The following KRT80 variants were observed in gnomAD, a reference collection of about 807,000 sequenced individuals.
KRT80 encodes the protein keratin, type II cytoskeletal 80.
Under a neutral mutation model 51.5 loss-of-function variants are expected in KRT80, and 36 were observed. The ratio of observed to expected loss-of-function variants is 0.70; its 90% CI spans 0.54 to 0.92. The LOEUF (loss-of-function observed/expected upper bound fraction) is 0.92, where lower values mean the gene tolerates loss of function less well. KRT80 is among the 40% of genes least tolerant of loss of function. The pLI is 0.00. For synonymous variants in KRT80, 235 were observed against 248.3 expected (o/e 0.95, Z 0.50); for missense variants, 566 against 591.7 (o/e 0.96, Z 0.45).
At chr12:52,176,621 A>T (rs1277545441) in intron 4 of KRT80, among the ~76,000 whole-genome samples, 2 of 152,036 alleles carry the variant, frequency 1.3e-5, no homozygotes, top group Non-Finnish European at 2.9e-5. Context: ...AGCTGGGATT[A>T]CAGGCATGCG....
At chr12:52,190,305 T>C (rs1265513817) in intron 1 of KRT80, among the ~76,000 whole-genome samples, 1 of 152,202 alleles carries the variant, frequency 6.6e-6, no homozygotes, top group African/African-American at 2.4e-5. Context: ...GGTTGTGTGA[T>C]CTTGGGCAAG....
chr12:52,184,013 G>C (rs1407924347), intron 2 of KRT80, among the ~76,000 whole-genome samples: 1 of 105,480 alleles, frequency 9.5e-6, no homozygotes, highest in African/African-American at 3.5e-5. Context: ...CTCTCCGGAG[G>C]GGCGGTCAGA....
At chr12:52,180,254 A>G (rs944228101) in intron 4 of KRT80, among the ~76,000 whole-genome samples, 7 of 152,184 alleles carry the variant, frequency 4.6e-5, no homozygotes, top group Non-Finnish European at 1.0e-4. Context: ...GTACTCTAGC[A>G]CACAAAGGTA....
chr12:52,172,071 G>T lies in KRT80; in HGVS notation c.1178+127C>A, dbSNP rs555797726. The T allele has an allele frequency of 3.9e-6, 4 of 1,016,662 alleles. No individual in the cohort carries two copies. In the African/African-American group the frequency reaches 4.8e-5, roughly 12 times the overall value. The allele number at this position is 1,016,662 out of a possible 1,614,324, so 63.0% of individuals were successfully genotyped here. ...AAGGTCCCAGTTTGTAAGTGACTAA[G>T]CCAAGACTTAAACCCAGGCCTGGTA... On this transcript the variant is annotated intron_variant, in intron 7 of 8. Transcript: ENST00000394815.
In KRT80 at chr12:52,191,966, G is replaced by A; in HGVS notation, c.-64C>T. 7.2e-7 allele frequency: 1 copy of A among 1,381,444 alleles called. No homozygotes were observed. The highest frequency in any genetic ancestry group is 1.5e-5 in the African/African-American group (1 of 68,620). The allele number at this position is 1,381,444 out of a possible 1,614,324, so 85.6% of individuals were successfully genotyped here. On this transcript the variant is annotated 5_prime_UTR_variant, in exon 1 of 9. Transcript: ENST00000394815. ...AGCGAGTGAGCCTGGGGTTGCGTCG[G>A]GTGGCAGGCTCTGGTTGCTCTGGTC...
At chr12:52,176,941 T>C (rs1392693351) in intron 4 of KRT80, among the ~76,000 whole-genome samples, 3 of 152,252 alleles carry the variant, frequency 2.0e-5, no homozygotes, top group South Asian at 2.1e-4. Context: ...TTTTAGGATA[T>C]GTTAAGAAAA....
At chr12:52,181,750 C>A (rs1297536860) in intron 2 of KRT80, among the ~76,000 whole-genome samples, 1 of 152,126 alleles carries the variant, frequency 6.6e-6, no homozygotes, top group Non-Finnish European at 1.5e-5. Context: ...AGGACAGGAC[C>A]CCCAGATCCC....
At position 52,191,949 on chromosome 12, in the gene KRT80, A is replaced by G; in HGVS notation, c.-47T>C. 7.0e-7 allele frequency: 1 copy of G among 1,424,432 alleles called. No homozygotes were observed. Among genetic ancestry groups the G allele is most frequent in the Non-Finnish European group, 9.2e-7 (1 of 1,087,562 alleles). The allele number at this position is 1,424,432 out of a possible 1,614,324, so 88.2% of individuals were successfully genotyped here. Reference sequence around the variant, plus strand: ...GAGGGCCCAGGGGGGTGAGCGAGTGAGCCTGGGGTTGCGTCGGGTGGCAGG... The same window carrying G: ...GAGGGCCCAGGGGGGTGAGCGAGTGGGCCTGGGGTTGCGTCGGGTGGCAGG... On this transcript the variant is annotated 5_prime_UTR_variant, in exon 1 of 9. Transcript: ENST00000394815.
chr12:52,185,434 G>A lies in KRT80; in HGVS notation c.454C>T (p.Gln152Ter), dbSNP rs1189892425. Residue 152 changes from glutamine to a stop codon, truncating the protein, a stop_gained, in exon 2 of 9, where the codon CAG (glutamine) becomes TAG (stop). Coordinates refer to ENST00000394815, the MANE Select transcript of KRT80 (RefSeq NM_182507.3). LOFTEE classifies it high-confidence loss of function. ...ACCTGCAGCAGGTTGGCCTCCAGCT[G>A]CCCCCGCTCCTGGCTCACTTTGCGC... ...ELRKVSQERG[Q>*]LEANLLQVLE... 1 of 1,613,866 alleles carries A rather than the reference G, an allele frequency of 6.2e-7. No individual in the cohort carries two copies. Among genetic ancestry groups the A allele is most frequent in the Non-Finnish European group, 8.5e-7 (1 of 1,180,024 alleles).
chr12:52,189,235 C>T (rs181479925), intron 1 of KRT80, among the ~76,000 whole-genome samples: 1 of 152,204 alleles, frequency 6.6e-6, no homozygotes, highest in African/African-American at 2.4e-5. Flanking sequence ...GCTCAACAGC[C>T]CTGCGCCGTA....
intron 2 of KRT80, among the ~76,000 whole-genome samples, chr12:52,181,639 C>T (rs1472524350): frequency 1.3e-5 from 2 of 152,326 alleles, no homozygotes; most frequent in South Asian, 2.1e-4. Flanking sequence ...AGCTACAGGC[C>T]GCATAGGCCA....
intron 5 of KRT80, 122 bp from the exon 6 acceptor site, chr12:52,173,285 C>T (rs1010684919): frequency 3.7e-5 from 48 of 1,295,748 alleles, no homozygotes; most frequent in African/African-American, 4.5e-5. Flanking sequence ...CACCACGCCA[C>T]GCCAGGCTCC....
intron 4 of KRT80, among the ~76,000 whole-genome samples, chr12:52,174,673 G>T (rs1392455608): frequency 2.0e-5 from 3 of 152,270 alleles, no homozygotes; most frequent in Non-Finnish European, 4.4e-5. Context: ...AGACAGCGGT[G>T]AGTGGCAGGG....
intron 4 of KRT80, 117 bp from the exon 5 acceptor site, chr12:52,173,881 C>T: frequency 9.7e-7 from 1 of 1,032,714 alleles, no homozygotes; most frequent in Non-Finnish European, 1.4e-6. Context: ...CCCTTCCTGT[C>T]CCTCTGGAGA....
At chr12:52,172,523 G>A in intron 6 of KRT80, 105 bp from the exon 7 acceptor site, 4 of 1,019,144 alleles carry the variant, frequency 3.9e-6, no homozygotes, top group Non-Finnish European at 4.3e-6. Flanking sequence ...TGTGGGGAGG[G>A]AGGGCTGAGC....
At chr12:52,176,888 T>G (rs1241839036) in intron 4 of KRT80, among the ~76,000 whole-genome samples, 1 of 152,228 alleles carries the variant, frequency 6.6e-6, no homozygotes, top group East Asian at 1.9e-4. Context: ...AAACAGATAA[T>G]GTTTGTTGAA....
At chr12:52,190,612 T>G (rs1042559284) in intron 1 of KRT80, among the ~76,000 whole-genome samples, 2 of 152,180 alleles carry the variant, frequency 1.3e-5, no homozygotes, top group Non-Finnish European at 2.9e-5. Context: ...GGTTCAGAAA[T>G]GTACAGTTTT....
chr12:52,171,505 G>A lies in KRT80; in HGVS notation c.1252C>T (p.Leu418Phe). The part of the protein sequence containing the change: ...RCKTAASRSG[L>F]SKAPSRKKKG... ...TTCTTTCGGGAGGGGGCCTTGGAGA[G>A]GCCTGATCTGGAGGCAGCTACAGGG... The change falls in exon 9 of 9, where the codon CTC becomes TTC. Residue 418 changes from leucine to phenylalanine, a missense_variant. Leu to Phe is a conservative substitution (Grantham distance 22). Transcript: ENST00000394815. The A allele has an allele frequency of 6.2e-7, 1 of 1,613,526 alleles. No homozygotes were observed. Among genetic ancestry groups the A allele is most frequent in the Non-Finnish European group, 8.5e-7 (1 of 1,179,672 alleles).
chr12:52,183,442 G>A (rs1004053992), intron 2 of KRT80, among the ~76,000 whole-genome samples: 3 of 152,196 alleles, frequency 2.0e-5, no homozygotes, highest in Non-Finnish European at 2.9e-5. Context: ...TTGGCCTGGC[G>A]TCTCCTGGCT....
Sources: allele counts gnomAD v4.1 joint callset (sites outside exome capture counted in the v4.1 genomes callset), GRCh38; gene constraint gnomAD v4.1.1; transcripts MANE v1.5; gene names NCBI Gene and HGNC (gene_info 2026-07-23, HGNC 2026-07-21).